ALPK2: variants seen among roughly 807,000 people sequenced by gnomAD.
ALPK2 encodes alpha kinase 2, also known as alpha-protein kinase 2.
Under a neutral mutation model 163.1 loss-of-function variants are expected in ALPK2, and 127 were observed. The ratio of observed to expected loss-of-function variants is 0.78; its 90% CI spans 0.67 to 0.90. ALPK2 has a LOEUF of 0.90. Among genes scored for constraint, ALPK2 ranks in the 40% least tolerant of loss-of-function variants. The probability of loss-of-function intolerance (pLI) is 0.00; values close to 1 mark genes in which losing one functional copy is unlikely to be tolerated. For synonymous variants in ALPK2, 953 were observed against 959.1 expected, an observed-to-expected ratio of 0.99 and a Z score of 0.12; for missense variants, 2,360 against 2,589.6, an observed-to-expected ratio of 0.91 and a Z score of 1.92.
At chr18:58,540,399 T>G (rs2051684067) in intron 4 of ALPK2, among the ~76,000 whole-genome samples, 1 of 152,226 alleles carries the variant, frequency 6.6e-6, no homozygotes, top group African/African-American at 2.4e-5. Context: ...CTATATCCCT[T>G]TTTCTTCTTT....
At chr18:58,558,482 G>A (rs1352221933) in intron 4 of ALPK2, among the ~76,000 whole-genome samples, 2 of 152,222 alleles carry the variant, frequency 1.3e-5, no homozygotes, top group Non-Finnish European at 1.5e-5. Flanking sequence ...ACTGCTGGTA[G>A]GAATGTAAAA....
chr18:58,514,355 A>AC (rs2051510012), intron 10 of ALPK2, among the ~76,000 whole-genome samples: 1 of 152,168 alleles, frequency 6.6e-6, no homozygotes, highest in Non-Finnish European at 1.5e-5. Flanking sequence ...TCCAACATGC[A>AC]CTAGCTAAGC....
intron 4 of ALPK2, among the ~76,000 whole-genome samples, chr18:58,541,860 G>C (rs1433330548): frequency 6.6e-6 from 1 of 152,096 alleles, no homozygotes; most frequent in Non-Finnish European, 1.5e-5. Context: ...TTCTCATCCA[G>C]AGGCCAGCTC....
In ALPK2 at chr18:58,611,764, GCGGGGGCCTCTGGGGCCCTT is replaced by G; in HGVS notation, c.14_33del (p.Glu5AlafsTer14). 6.2e-7 allele frequency: 1 copy of G among 1,611,184 alleles called. No individual in the cohort carries two copies. Among genetic ancestry groups the G allele is most frequent in the Non-Finnish European group, 8.5e-7 (1 of 1,179,082 alleles). ...GAAAGCAATGTAGATAAAAAACACA[GCGGGGGCCTCTGGGGCCCTT>G]CGGAGTCTTTCATCCTTTCATGCCG... On this transcript the variant is annotated frameshift_variant, in exon 2 of 13. Coordinates refer to ENST00000361673, the MANE Select transcript of ALPK2 (RefSeq NM_052947.4). LOFTEE classifies it high-confidence loss of function.
intron 3 of ALPK2, among the ~76,000 whole-genome samples, chr18:58,588,769 T>G (rs1376655144): frequency 6.6e-6 from 1 of 152,238 alleles, no homozygotes; most frequent in African/African-American, 2.4e-5. Flanking sequence ...ATGATCTTGT[T>G]CCTTTTTATG....
At chr18:58,587,113 A>G (rs1454439282) in intron 3 of ALPK2, among the ~76,000 whole-genome samples, 2 of 152,220 alleles carry the variant, frequency 1.3e-5, no homozygotes, top group African/African-American at 4.8e-5. Context: ...TCATACCTCA[A>G]CATGCACACA....
At position 58,579,605 on chromosome 18, in the gene ALPK2, C is replaced by G; in HGVS notation, c.1171G>C (p.Ala391Pro). The G allele has an allele frequency of 6.2e-7, 1 of 1,613,652 alleles. No homozygotes were observed. The highest frequency in any genetic ancestry group is 8.5e-7 in the Non-Finnish European group (1 of 1,179,986). ...CCAGCAGTGGCAACCATAGGCCCAG[C>G]GTCACCCGACACCCGAGACCCACAA... The part of the protein sequence containing the change: ...MGCGSRVSGD[A>P]GPMVATAGFC... Residue 391 changes from alanine (A) to proline (P), a missense_variant, in exon 4 of 13, where the codon GCT becomes CCT. Ala to Pro is a conservative substitution (Grantham distance 27, BLOSUM62 -1). Transcript: ENST00000361673.
chr18:58,591,554 G>A (rs2052015113), intron 3 of ALPK2, among the ~76,000 whole-genome samples: 1 of 152,142 alleles, frequency 6.6e-6, no homozygotes, highest in South Asian at 2.1e-4. Flanking sequence ...AGATAATGAA[G>A]GGAGGTTTCC....
At chr18:58,582,490 C>T (rs1435454736) in intron 3 of ALPK2, among the ~76,000 whole-genome samples, 2 of 151,838 alleles carry the variant, frequency 1.3e-5, no homozygotes, top group Middle Eastern at 3.2e-3. Context: ...CTTAGGGCTC[C>T]GCCATTCAAG....
rs373786602 is a variant in ALPK2, at chr18:58,579,411, G to A, written c.1365C>T (p.Pro455=). The change falls in exon 4 of 13, where the codon CCC becomes CCT. Residue 455 remains proline (P), a synonymous_variant. Coordinates refer to ENST00000361673, the MANE Select transcript of ALPK2 (RefSeq NM_052947.4). ...CTGGATAATCATTTTCAGCAGCCTC[G>A]GGAGCAGTGGGGAGTTTATATCTCC... The part of the protein sequence containing the change: ...EQGRYKLPTA[P]EAAENDYPGI... 90 of 1,613,906 alleles carry A rather than the reference G, an allele frequency of 5.6e-5. No individual in the cohort carries two copies. Among genetic ancestry groups the A allele is most frequent in the Non-Finnish European group, 6.9e-5 (81 of 1,180,020 alleles).
chr18:58,483,756 G>A (rs2051324113), intron 12 of ALPK2, among the ~76,000 whole-genome samples: 1 of 149,376 alleles, frequency 6.7e-6, no homozygotes, highest in African/African-American at 2.5e-5. Context: ...GTAGAGACAG[G>A]GCTTCACCAT....
intron 3 of ALPK2, among the ~76,000 whole-genome samples, chr18:58,602,548 C>T (rs1191765089): frequency 6.6e-6 from 1 of 152,128 alleles, no homozygotes; most frequent in East Asian, 1.9e-4. Flanking sequence ...CTGTCTCTGT[C>T]TTCCCACCGC....
chr18:58,500,467 C>T (rs2051425948), intron 11 of ALPK2, among the ~76,000 whole-genome samples: 1 of 152,172 alleles, frequency 6.6e-6, no homozygotes, highest in South Asian at 2.1e-4. Flanking sequence ...AAGAAAACTT[C>T]CCCCTGTCAG....
intron 8 of ALPK2, among the ~76,000 whole-genome samples, chr18:58,523,361 GC>G (rs1453298844): frequency 6.6e-6 from 1 of 151,984 alleles, no homozygotes; most frequent in Non-Finnish European, 1.5e-5. Flanking sequence ...TGTGAATAGT[GC>G]CTCAATAAAC....
At chr18:58,616,936 A>G (rs1028235325) in intron 1 of ALPK2, among the ~76,000 whole-genome samples, 1 of 151,878 alleles carries the variant, frequency 6.6e-6, no homozygotes, top group African/African-American at 2.4e-5. Context: ...AGCCTTGGGG[A>G]CTGGGCCCAC....
chr18:58,621,258 G>T (rs2052197191), intron 1 of ALPK2, among the ~76,000 whole-genome samples: 1 of 151,416 alleles, frequency 6.6e-6, no homozygotes, highest in South Asian at 2.1e-4. Flanking sequence ...GTATAAGAGT[G>T]CAGGGAATGT....
At chr18:58,609,602 G>C (rs1038314596) in intron 2 of ALPK2, among the ~76,000 whole-genome samples, 1 of 152,130 alleles carries the variant, frequency 6.6e-6, no homozygotes, top group Non-Finnish European at 1.5e-5. Flanking sequence ...ATGGCTGACT[G>C]TTTTTTTCCC....
chr18:58,531,935 CAAAAAAAAAAAAA>C (rs35957271), intron 5 of ALPK2, among the ~76,000 whole-genome samples: 8 of 49,614 alleles, frequency 1.6e-4, no homozygotes, highest in African/African-American at 4.4e-4. Flanking sequence ...GGCTCCGTCT[CAAAAAAAAAAAAA>C]AAAAAAAAAA....
At chr18:58,573,613 C>CTTTTTTTTTTT (rs778622176) in intron 4 of ALPK2, among the ~76,000 whole-genome samples, 144 of 51,682 alleles carry the variant, frequency 2.8e-3, no homozygotes, top group Admixed American at 4.6e-3. Flanking sequence ...TTTTTGTCTT[C>CTTTTTTTTTTT]TTTTTTTTTT....
Sources: gnomAD v4.1 joint callset for allele counts (sites outside exome capture counted in the v4.1 genomes callset) on GRCh38, gnomAD v4.1.1 for gene constraint, MANE v1.5 for transcripts, NCBI Gene and HGNC (gene_info 2026-07-23, HGNC 2026-07-21) for gene names.